The following PTH2R variants were observed in gnomAD, a reference collection of about 807,000 sequenced individuals.
PTH2R encodes the protein parathyroid hormone 2 receptor, also known as PTH2 receptor.
A neutral mutation model predicts 60.3 loss-of-function variants in PTH2R; 59 were observed. That is an observed-to-expected ratio of 0.98 (90% CI 0.79 to 1.22). The LOEUF is 1.22. PTH2R is among the 50% of genes most tolerant of loss of function. The pLI, the probability that PTH2R is intolerant of heterozygous loss-of-function variation, is 0.00. For synonymous variants in PTH2R, 256 were observed against 243.8 expected, an observed-to-expected ratio of 1.05 and a Z score of -0.47; for missense variants, 749 against 682.6, an observed-to-expected ratio of 1.10 and a Z score of -1.08.
chr2:208,389,944 G>A (rs919614129), intron 1 of PTH2R, among the ~76,000 whole-genome samples: 1 of 152,092 alleles, frequency 6.6e-6, no homozygotes, highest in Admixed American at 6.6e-5. Context: ...GAAGGGTCTC[G>A]AGTTCCATGA....
At chr2:208,419,395 T>C (rs556252681) in intron 1 of PTH2R, among the ~76,000 whole-genome samples, 49 of 152,370 alleles carry the variant, frequency 3.2e-4, no homozygotes, top group African/African-American at 1.1e-3. Flanking sequence ...GTAAATTTGT[T>C]TGAGTTCATT....
chr2:208,428,896 C>T (rs562144424), intron 2 of PTH2R, among the ~76,000 whole-genome samples: 10 of 152,160 alleles, frequency 6.6e-5, no homozygotes, highest in Non-Finnish European at 1.5e-4. Flanking sequence ...ACCAGCGTGG[C>T]CAACATGGTG....
chr2:208,359,743 T>C (rs1700403633), exon 1 of PTH2R: 1 of 153,138 alleles, frequency 6.5e-6, no homozygotes, highest in Non-Finnish European at 1.5e-5. Flanking sequence ...GTCCACTACG[T>C]GAGGGGAGGC....
chr2:208,446,455 G>A lies in PTH2R; in HGVS notation c.853+1568G>A, dbSNP rs111311694. On this transcript the variant is annotated intron_variant, in intron 7 of 12. Transcript: ENST00000272847. ...CAACTACAATAGAAATCTTCATTTC[G>A]TGAAATAGTTTGAGAACACACATGA... Among the ~76,000 whole-genome samples the A allele has an allele frequency of 9.7e-3, 1,470 of 152,264 alleles. 25 individuals carry two copies. The highest frequency in any genetic ancestry group is 0.033 in the African/African-American group (1,357 of 41,558).
intron 1 of PTH2R, among the ~76,000 whole-genome samples, chr2:208,369,760 C>G (rs1700659077): frequency 6.6e-6 from 1 of 151,920 alleles, no homozygotes; most frequent in African/African-American, 2.4e-5. Flanking sequence ...ACCAGATATC[C>G]CACTTTGAAT....
At chr2:208,384,836 C>G (rs1205412017) in intron 1 of PTH2R, among the ~76,000 whole-genome samples, 1 of 152,134 alleles carries the variant, frequency 6.6e-6, no homozygotes. Flanking sequence ...TGTAAAGTCA[C>G]GGAAGTGCTG....
At chr2:208,365,961 T>TATATATATATATATATA (rs1491452832) in intron 1 of PTH2R, among the ~76,000 whole-genome samples, 4 of 11,040 alleles carry the variant, frequency 3.6e-4, no homozygotes, top group Non-Finnish European at 4.4e-4. Flanking sequence ...TATATATATA[T>TATATATATATATATATA]TTTTTTTTTT....
chr2:208,444,599 G>A (rs1702250974), intron 6 of PTH2R, 135 bp from the exon 7 acceptor site: 1 of 655,186 alleles, frequency 1.5e-6, no homozygotes, highest in Admixed American at 3.1e-5. Context: ...CCTCTCAACA[G>A]TTTTGACTTT....
At chr2:208,429,143 A>C (rs1479140197) in intron 2 of PTH2R, among the ~76,000 whole-genome samples, 1 of 151,708 alleles carries the variant, frequency 6.6e-6, no homozygotes, top group African/African-American at 2.4e-5. Context: ...CAATTTTGAT[A>C]ATTTTCCATG....
At chr2:208,385,666 G>C (rs908829335) in intron 1 of PTH2R, among the ~76,000 whole-genome samples, 3 of 152,176 alleles carry the variant, frequency 2.0e-5, no homozygotes, top group African/African-American at 7.2e-5. Context: ...CAATGACGTA[G>C]TACCAGACAG....
intron 8 of PTH2R, among the ~76,000 whole-genome samples, chr2:208,452,022 GTATCAGT>G (rs2105880438): frequency 6.6e-6 from 1 of 152,264 alleles, no homozygotes; most frequent in Non-Finnish European, 1.5e-5. Flanking sequence ...ATCTCTTTGT[GTATCAGT>G]TTCTCATGTA....
intron 9 of PTH2R, among the ~76,000 whole-genome samples, chr2:208,469,531 T>C (rs965848769): frequency 6.6e-6 from 1 of 152,188 alleles, no homozygotes; most frequent in South Asian, 2.1e-4. Context: ...CATGTCAAGA[T>C]AACTGATTTT....
chr2:208,443,649 C>A, intron 6 of PTH2R, 112 bp downstream of exon 6: 1 of 824,118 alleles, frequency 1.2e-6, no homozygotes, highest in Non-Finnish European at 1.8e-6. Flanking sequence ...TCTGAACTAA[C>A]TAAAATGGAT....
chr2:208,391,635 C>A (rs1324258740), intron 1 of PTH2R, among the ~76,000 whole-genome samples: 1 of 152,108 alleles, frequency 6.6e-6, no homozygotes, highest in Non-Finnish European at 1.5e-5. Flanking sequence ...AATGGATGGG[C>A]TATTTCACCA....
intron 1 of PTH2R, among the ~76,000 whole-genome samples, chr2:208,422,354 G>T (rs1701773766): frequency 6.6e-6 from 1 of 152,166 alleles, no homozygotes; most frequent in Admixed American, 6.5e-5. Context: ...ATGGCCCATC[G>T]AAGTTGCTAC....
rs1702205815 is a variant in PTH2R, at chr2:208,442,476, T to A, written c.509+15T>A. The A allele has an allele frequency of 6.4e-7, 1 of 1,562,584 alleles. No homozygotes were observed. Among genetic ancestry groups the A allele is most frequent in the Middle Eastern group, 1.7e-4 (1 of 5,952 alleles). ...GGTTACTTCAGGTGAGTGATGCCCA[T>A]CACTTTTTCCATGAAGGGGCACATT... On this transcript the variant is annotated intron_variant, in intron 5 of 12. Coordinates refer to ENST00000272847, the MANE Select transcript of PTH2R (RefSeq NM_005048.4).
intron 1 of PTH2R, among the ~76,000 whole-genome samples, chr2:208,415,511 C>T (rs376853348): frequency 2.0e-4 from 30 of 152,164 alleles, no homozygotes; most frequent in African/African-American, 6.0e-4. Context: ...TTACTTTTTT[C>T]GCTACCAGGG....
At chr2:208,469,016 T>C (rs1702819593) in intron 9 of PTH2R, among the ~76,000 whole-genome samples, 1 of 152,192 alleles carries the variant, frequency 6.6e-6, no homozygotes, top group African/African-American at 2.4e-5. Context: ...TGAGTTCATT[T>C]TATGCAATCT....
intron 1 of PTH2R, among the ~76,000 whole-genome samples, chr2:208,363,983 C>A (rs1700530710): frequency 6.6e-6 from 1 of 152,076 alleles, no homozygotes; most frequent in Non-Finnish European, 1.5e-5. Flanking sequence ...TTGATAGTTT[C>A]TTTTGCTATG....
Sources: gnomAD v4.1 joint callset for allele counts (sites outside exome capture counted in the v4.1 genomes callset) on GRCh38, gnomAD v4.1.1 for gene constraint, MANE v1.5 for transcripts, NCBI Gene and HGNC (gene_info 2026-07-23, HGNC 2026-07-21) for gene names.